The following FADS2 variants were observed in gnomAD, a reference collection of about 807,000 sequenced individuals.
The protein encoded by FADS2 is acyl-CoA 6-desaturase.
In FADS2, 18 loss-of-function variants were observed where a neutral mutation model predicts 61.2. That is an observed-to-expected ratio of 0.29 (90% confidence interval 0.20 to 0.44). The LOEUF (loss-of-function observed/expected upper bound fraction) is 0.44, where lower values mean the gene tolerates loss of function less well. Ranked by LOEUF, FADS2 falls within the 20% of genes least tolerant of loss-of-function variation. FADS2 has a pLI of 1.00. For missense variants in FADS2, 322 were observed against 572.7 expected (o/e 0.56, Z 4.47); for synonymous variants, 203 against 223.9 (o/e 0.91, Z 0.83).
chr11:61,844,850 G>A (rs986866128), intron 4 of FADS2, among the ~76,000 whole-genome samples: 5 of 151,240 alleles, frequency 3.3e-5, no homozygotes, highest in South Asian at 2.1e-4. Context: ...ACTTGAACCC[G>A]GGAGGTAGAG....
At chr11:61,838,592 CA>C (rs764091294) in intron 2 of FADS2, among the ~76,000 whole-genome samples, 4 of 152,080 alleles carry the variant, frequency 2.6e-5, no homozygotes, top group Non-Finnish European at 5.9e-5. Context: ...CTCTGTTTAG[CA>C]GAGCCAGGGC....
At chr11:61,859,853 G>A (rs1041885399) in intron 7 of FADS2, among the ~76,000 whole-genome samples, 7 of 152,216 alleles carry the variant, frequency 4.6e-5, no homozygotes, top group African/African-American at 1.7e-4. Flanking sequence ...TGGCATGGTG[G>A]TGTGCACCTG....
In FADS2 at chr11:61,848,037, G is replaced by T. The variant is rs116039888; in HGVS notation, c.619-122G>T. 3.9e-3 allele frequency: 4,480 copies of T among 1,155,228 alleles called. 120 individuals carry two copies. In the African/African-American group the frequency reaches 0.06, roughly 15 times the overall value. 71.6% of individuals were successfully genotyped at this position (1,155,228 alleles called of 1,614,324 possible). ...AGGGCTGGATTCTGGCCTTGTGGGG[G>T]CCTGAAGTGCTATCCCCGAGGGTTG... is the stretch of plus-strand genomic sequence containing the variant. On this transcript the variant is annotated intron_variant, in intron 4 of 11. Coordinates refer to ENST00000278840, the MANE Select transcript of FADS2 (RefSeq NM_004265.4).
At chr11:61,821,116 C>T (rs2067033570) in intron 1 of FADS2, among the ~76,000 whole-genome samples, 1 of 152,214 alleles carries the variant, frequency 6.6e-6, no homozygotes, top group African/African-American at 2.4e-5. Flanking sequence ...CCTAAGGGAA[C>T]TTGCCTCATC....
In FADS2 at chr11:61,858,105, G is replaced by A. The variant is rs369522710; in HGVS notation, c.882+575G>A. ...TCTCATCGGCTGGTTGATGGCTTTC[G>A]TCCTCCCTCTCGGTACATCATCTCT... On this transcript the variant is annotated intron_variant, in intron 7 of 11. Coordinates refer to ENST00000278840, the MANE Select transcript of FADS2 (RefSeq NM_004265.4). Among the ~76,000 whole-genome samples the A allele has an allele frequency of 1.3e-3, 197 of 152,210 alleles. 1 individual carries two copies. Among genetic ancestry groups the A allele is most frequent in the African/African-American group, 4.3e-3 (179 of 41,538 alleles).
chr11:61,865,509 G>A lies in FADS2; in HGVS notation c.1284-129G>A, dbSNP rs2067460641. The stretch of plus-strand genomic sequence containing the variant: ...AGCTGACAGCCCCACAGGCCCAGTG[G>A]CAGTGGTAAGCCCTGGTTAGGGCCA... On this transcript the variant is annotated intron_variant, in intron 11 of 11. Transcript: ENST00000278840. The surrounding 1 kb of genome is among the most constrained non-coding windows in gnomAD (Gnocchi z 4.1). The A allele has an allele frequency of 2.1e-6, 2 of 967,806 alleles. No individual in the cohort carries two copies. The highest frequency in any genetic ancestry group is 3.2e-5 in the African/African-American group (2 of 61,670). The allele number at this position is 967,806 out of a possible 1,614,324, so 60.0% of individuals were successfully genotyped here. A position where few individuals can be genotyped will look rare whatever the true frequency, so the allele number is the denominator to read the frequency against.
intron 4 of FADS2, among the ~76,000 whole-genome samples, chr11:61,846,226 C>T (rs2067257969): frequency 6.6e-6 from 1 of 150,386 alleles, no homozygotes; most frequent in Non-Finnish European, 1.5e-5. Context: ...ACAGGATTCT[C>T]CTGCCTCAGA....
chr11:61,842,272 C>T (rs573872455), intron 4 of FADS2, among the ~76,000 whole-genome samples: 1 of 152,364 alleles, frequency 6.6e-6, no homozygotes, highest in Admixed American at 6.5e-5. Context: ...GGCCCTGAGC[C>T]TGAAGCGGCC....
chr11:61,816,569 C>T lies in FADS2; in HGVS notation c.141+143C>T. 6.2e-7 allele frequency: 1 copy of T among 1,607,328 alleles called. No homozygotes were observed. Among genetic ancestry groups the T allele is most frequent in the Non-Finnish European group, 8.5e-7 (1 of 1,177,712 alleles). On this transcript the variant is annotated intron_variant, in intron 1 of 11. Coordinates refer to the FADS2 transcript ENST00000257261. The surrounding 1 kb of genome is among the most constrained non-coding windows in gnomAD (Gnocchi z 7.0). ...GCTGCGCTCACCGTGGCATCCTGCC[C>T]GGCGTAGTGGCTGATGACCCGGGAG... is the stretch of plus-strand genomic sequence containing the variant.
rs570159901 is a variant in FADS2, at chr11:61,829,693, T to C, written c.207+1096T>C. ...AAAAAGGTCTGATGGGATACAGAAA[T>C]TGGGGAAAGTGAATAGGAGAGAGGC... On this transcript the variant is annotated intron_variant, in intron 1 of 11. Coordinates refer to ENST00000278840, the MANE Select transcript of FADS2 (RefSeq NM_004265.4). 2.0e-5 allele frequency among the ~76,000 whole-genome samples: 3 copies of C among 152,054 alleles called. 1 individual carries two copies. In the South Asian group the frequency reaches 6.3e-4, roughly 32 times the overall value.
intron 4 of FADS2, among the ~76,000 whole-genome samples, chr11:61,845,799 A>C (rs2135965521): frequency 6.6e-6 from 1 of 152,152 alleles, no homozygotes; most frequent in Non-Finnish European, 1.5e-5. Context: ...AAAAAAAAAA[A>C]AAAAATGGAA....
chr11:61,858,319 C>T (rs1196518658), intron 7 of FADS2, among the ~76,000 whole-genome samples: 4 of 151,886 alleles, frequency 2.6e-5, no homozygotes, highest in Admixed American at 2.6e-4. Context: ...CCTGGGATTA[C>T]AGGCACCGGC....
intron 5 of FADS2, chr11:61,855,890 G>A (rs567589420): frequency 1.3e-5 from 2 of 152,440 alleles, no homozygotes; most frequent in South Asian, 4.1e-4. Flanking sequence ...CGGATCCAGG[G>A]GTATAGGGAG....
At chr11:61,818,171 A>T (rs774610943) in intron 1 of FADS2, among the ~76,000 whole-genome samples, 1 of 152,228 alleles carries the variant, frequency 6.6e-6, no homozygotes, top group Non-Finnish European at 1.5e-5. Flanking sequence ...GACTAGGTGA[A>T]ATATGGCTAG....
At chr11:61,856,826 G>T in intron 5 of FADS2, 185 bp from the exon 6 acceptor site, 1 of 613,408 alleles carries the variant, frequency 1.6e-6, no homozygotes, top group Non-Finnish European at 2.9e-6. Context: ...GCTGGCTGTA[G>T]CATGGGGAGC....
chr11:61,850,616 C>A (rs1422855745), intron 5 of FADS2, among the ~76,000 whole-genome samples: 3 of 151,504 alleles, frequency 2.0e-5, no homozygotes, highest in Non-Finnish European at 2.9e-5. Flanking sequence ...TTAATACATT[C>A]TTTTTTTTTA....
chr11:61,835,465 C>T (rs1489773089), intron 1 of FADS2, among the ~76,000 whole-genome samples: 1 of 151,188 alleles, frequency 6.6e-6, no homozygotes, highest in African/African-American at 2.4e-5. Flanking sequence ...ACGATCTCAG[C>T]TCACTGCAAC....
intron 1 of FADS2, among the ~76,000 whole-genome samples, chr11:61,833,421 A>AT (rs2067145270): frequency 6.6e-6 from 1 of 152,226 alleles, no homozygotes; most frequent in Non-Finnish European, 1.5e-5. Flanking sequence ...ATTTATGGCA[A>AT]TGTGAAGGGA....
In FADS2 at chr11:61,816,782, C is replaced by T. The variant is rs965904915; in HGVS notation, c.141+356C>T. Reference sequence around the variant, plus strand: ...ATAGCTGGCCTGGCGACGCCGCGCGCCGGGCCAGCAGGGGCTGTCAGGCGC... The same window carrying T: ...ATAGCTGGCCTGGCGACGCCGCGCGTCGGGCCAGCAGGGGCTGTCAGGCGC... On this transcript the variant is annotated intron_variant, in intron 1 of 11. Transcript: ENST00000257261. This position sits in a 1 kb window ranked among gnomAD's most constrained non-coding sequence, Gnocchi z 7.0. The T allele has an allele frequency of 6.6e-7, 1 of 1,519,260 alleles. No homozygotes were observed. Among genetic ancestry groups the T allele is most frequent in the Non-Finnish European group, 8.8e-7 (1 of 1,139,362 alleles). 94.1% of individuals were successfully genotyped at this position (1,519,260 alleles called of 1,614,324 possible).
Sources: allele counts gnomAD v4.1 joint callset (sites outside exome capture counted in the v4.1 genomes callset), GRCh38; gene constraint gnomAD v4.1.1; non-coding constraint Gnocchi (gnomAD v3.1); transcripts MANE v1.5; gene names NCBI Gene and HGNC (gene_info 2026-07-23, HGNC 2026-07-21).